UNC80: variants seen among roughly 807,000 people sequenced by gnomAD.
UNC80 encodes the protein protein unc-80 homolog.
UNC80 carries 164 observed loss-of-function variants against 384.6 expected under a neutral mutation model. The ratio of observed to expected loss-of-function variants is 0.43; its 90% confidence interval spans 0.38 to 0.49. The LOEUF (loss-of-function observed/expected upper bound fraction) is 0.49, where lower values mean the gene tolerates loss of function less well. UNC80 is among the 20% of genes least tolerant of loss of function. The pLI is 0.00. For synonymous variants in UNC80, 1,486 were observed against 1,527.8 expected (o/e 0.97, Z 0.64); for missense variants, 3,330 against 4,143.0 (o/e 0.80, Z 5.39).
chr2:209,996,749 C>T lies in UNC80; in HGVS notation c.*1154C>T, dbSNP rs543155324. 1 of 152,296 alleles carries T rather than the reference C, an allele frequency of 6.6e-6. No individual in the cohort carries two copies. Among genetic ancestry groups the T allele is most frequent in the African/African-American group, 2.4e-5 (1 of 41,568 alleles). 9.4% of individuals were successfully genotyped at this position (152,296 alleles called of 1,614,324 possible). ...TGTGAGGCCAACACCTAGTGTGTTA[C>T]TGATCCTATGGTAGGGCTGTGCATC... On this transcript the variant is annotated 3_prime_UTR_variant, in exon 65 of 65. Coordinates refer to ENST00000673920, the MANE Select transcript of UNC80 (RefSeq NM_001371986.1).
At chr2:209,930,054 A>T (rs2090732607) in intron 37 of UNC80, 83 bp downstream of exon 37, 2 of 811,508 alleles carry the variant, frequency 2.5e-6, no homozygotes, top group East Asian at 3.1e-5. Flanking sequence ...TTTATAGTGC[A>T]GTGCATGCAA....
chr2:209,797,317 C>A (rs139977736), intron 7 of UNC80, among the ~76,000 whole-genome samples: 1 of 152,224 alleles, frequency 6.6e-6, no homozygotes, highest in African/African-American at 2.4e-5. Context: ...CCTAAGTTCC[C>A]TCACCTCACC....
intron 4 of UNC80, among the ~76,000 whole-genome samples, chr2:209,782,089 G>A (rs1196252894): frequency 6.6e-6 from 1 of 151,860 alleles, no homozygotes; most frequent in Non-Finnish European, 1.5e-5. Context: ...CCCTTTACTT[G>A]AGCCACTTTC....
intron 22 of UNC80, among the ~76,000 whole-genome samples, chr2:209,867,175 C>T (rs1466520697): frequency 6.6e-6 from 1 of 152,220 alleles, no homozygotes; most frequent in East Asian, 1.9e-4. Flanking sequence ...ATCAGCATCA[C>T]TTGTGAGCAT....
intron 22 of UNC80, among the ~76,000 whole-genome samples, chr2:209,851,748 C>T (rs1384346803): frequency 6.6e-6 from 1 of 151,918 alleles, no homozygotes; most frequent in East Asian, 1.9e-4. Flanking sequence ...CAAAGGAAAA[C>T]ACTGAAGCTC....
Position 209,954,116 on chromosome 2 carries a change from G to C in UNC80, c.7303G>C (p.Val2435Leu), listed in dbSNP as rs555894393. ...CGCTTAAAGTCTTCAGATGCTGATG[G>C]TCTTAGAAGCCTTAGTTCCATGTTA... ...ESFRSLQMLM[V>L]LEALVPCYLQ... The change falls in exon 48 of 65, where the codon GTC (valine) becomes CTC (leucine). Residue 2435 changes from valine (V) to leucine (L), a missense_variant. By Grantham distance (32) the Val-to-Leu change is conservative (BLOSUM62 1). This residue lies in a region of UNC80 where 1,049 missense variants were observed against 1,488.6 expected (regional missense o/e 0.70). Coordinates refer to ENST00000673920, the MANE Select transcript of UNC80 (RefSeq NM_001371986.1). The C allele has an allele frequency of 6.5e-7, 1 of 1,549,798 alleles. No homozygotes were observed. The highest frequency in any genetic ancestry group is 2.4e-5 in the East Asian group (1 of 40,912).
chr2:209,843,653 A>G (rs1417679176), intron 21 of UNC80, among the ~76,000 whole-genome samples: 3 of 152,194 alleles, frequency 2.0e-5, no homozygotes, highest in African/African-American at 4.8e-5. Flanking sequence ...TCTTTGTACT[A>G]TAAAGATCTG....
intron 62 of UNC80, 83 bp downstream of exon 62, chr2:209,992,330 T>C (rs2093407368): frequency 1.1e-5 from 15 of 1,330,358 alleles, no homozygotes; most frequent in Non-Finnish European, 1.6e-5. Context: ...TATATTAAGA[T>C]ATTTTGCTGC....
rs546652349 is a variant in UNC80 at position 209,842,497 on chromosome 2, A to G, written c.3454+51A>G. On this transcript the variant is annotated intron_variant, in intron 21 of 64. Coordinates refer to ENST00000673920, the MANE Select transcript of UNC80 (RefSeq NM_001371986.1). Reference sequence around the variant, plus strand: ...CTATTCAACTTTTATCACACAGAACAAAAACTTGATTAGATTAAGTGGTCC... The same window carrying G: ...CTATTCAACTTTTATCACACAGAACGAAAACTTGATTAGATTAAGTGGTCC... The G allele has an allele frequency of 7.1e-5, 94 of 1,324,996 alleles. No homozygotes were observed. In the African/African-American group the frequency reaches 1.3e-3, roughly 18 times the overall value. The allele number at this position is 1,324,996 out of a possible 1,614,324, so 82.1% of individuals were successfully genotyped here.
intron 48 of UNC80, 189 bp downstream of exon 48, chr2:209,954,459 G>A (rs2092324314): frequency 4.6e-6 from 2 of 434,904 alleles, no homozygotes; most frequent in Admixed American, 7.9e-5. Flanking sequence ...ATAATGTTAA[G>A]CATTCTGATT....
intron 61 of UNC80, among the ~76,000 whole-genome samples, chr2:209,986,221 A>G (rs2093284810): frequency 6.6e-6 from 1 of 152,234 alleles, no homozygotes; most frequent in Non-Finnish European, 1.5e-5. Context: ...GTTTAAAATT[A>G]CATGTGTGAT....
intron 31 of UNC80, among the ~76,000 whole-genome samples, chr2:209,915,425 C>A (rs6710675): frequency 0.036 from 3,950 of 109,422 alleles, 143 homozygotes; most frequent in African/African-American, 0.11. Flanking sequence ...AAAAAAAAAA[C>A]AAAAACTGGG....
chr2:209,946,733 T>C lies in UNC80; in HGVS notation c.7286+790T>C, dbSNP rs549765443. On this transcript the variant is annotated intron_variant, in intron 47 of 64. Coordinates refer to ENST00000673920, the MANE Select transcript of UNC80 (RefSeq NM_001371986.1). ...CATCCCAATTCAAAGATGTTGGCTCTGGTCTGAGATTTAAATCTGATCTAT... is the reference window on the plus strand; with the variant it reads ...CATCCCAATTCAAAGATGTTGGCTCCGGTCTGAGATTTAAATCTGATCTAT... Among the ~76,000 whole-genome samples the C allele has an allele frequency of 1.2e-4, 19 of 152,318 alleles. No homozygotes were observed. The South Asian group carries it at 3.5e-3, about 28-fold the overall frequency.
chr2:209,872,813 A>G lies in UNC80; in HGVS notation c.3683A>G (p.His1228Arg). 6.4e-7 allele frequency: 1 copy of G among 1,551,456 alleles called. No individual in the cohort carries two copies. Among genetic ancestry groups the G allele is most frequent in the Non-Finnish European group, 8.7e-7 (1 of 1,146,812 alleles). Residue 1228 changes from histidine to arginine, a missense_variant, in exon 23 of 65, where the codon CAC (histidine) becomes CGC (arginine). Transcript: ENST00000673920. This position sits in a 1 kb window ranked among gnomAD's most constrained non-coding sequence, Gnocchi z 4.1. ...TTCCTGGAATGTGCTCGTTTTGTTC[A>G]CCGCTGCAACCGTGGCAACTGGCCA... ...ALFLECARFV[H>R]RCNRGNWPEW...
chr2:209,829,238 A>T lies in UNC80; in HGVS notation c.2485A>T (p.Asn829Tyr). 6.4e-7 allele frequency: 1 copy of T among 1,551,226 alleles called. No homozygotes were observed. Among genetic ancestry groups the T allele is most frequent in the Non-Finnish European group, 8.7e-7 (1 of 1,146,648 alleles). ...RHQVFRENAQ[N>Y]CLTKLYKLDK... ...TTTTCTTCCTTCATTGCAGGCCCAG[A>T]ACTGCCTCACTAAGCTATACAAGCT... The change falls in exon 15 of 65, where the codon AAC (asparagine) becomes TAC (tyrosine). Residue 829 changes from asparagine to tyrosine, a missense_variant. By Grantham distance (143) the Asn-to-Tyr change is moderately radical (BLOSUM62 -2). This residue lies in a region of UNC80 where 937 missense variants were observed against 1,026.8 expected (regional missense o/e 0.91). Transcript: ENST00000673920.
At chr2:209,881,849 C>G (rs993780995) in intron 25 of UNC80, among the ~76,000 whole-genome samples, 1 of 152,146 alleles carries the variant, frequency 6.6e-6, no homozygotes, top group African/African-American at 2.4e-5. Flanking sequence ...TCATCACAGG[C>G]ATCATCCAGC....
In UNC80 at chr2:209,918,666, G is replaced by A. The variant is rs1487508596; in HGVS notation, c.5343+3G>A. 4 of 1,544,674 alleles carry A rather than the reference G, an allele frequency of 2.6e-6. No individual in the cohort carries two copies. The African/African-American group carries it at 5.5e-5, about 21-fold the overall frequency. On this transcript the variant is annotated splice_donor_region_variant and intron_variant, in intron 33 of 64. Transcript: ENST00000673920. The stretch of plus-strand genomic sequence containing the variant: ...ACCCCATTAATGAAGACCAGTCTGT[G>A]AGTAACAGACACTTCCAGGTTCCAT...
chr2:209,984,746 T>G (rs942307667), intron 60 of UNC80, 110 bp from the exon 61 acceptor site: 8 of 990,000 alleles, frequency 8.1e-6, no homozygotes, highest in Non-Finnish European at 1.2e-5. Flanking sequence ...TTCGGTTAAA[T>G]CTATTTATTT....
intron 18 of UNC80, among the ~76,000 whole-genome samples, chr2:209,835,775 AG>A (rs1274475394): frequency 6.6e-6 from 1 of 152,196 alleles, no homozygotes; most frequent in Non-Finnish European, 1.5e-5. Flanking sequence ...AGAATATTCT[AG>A]GTATTATGGT....
Sources: gnomAD v4.1 joint callset for allele counts (sites outside exome capture counted in the v4.1 genomes callset) on GRCh38, gnomAD v4.1.1 for gene constraint, gnomAD v4.1.1 regional missense constraint, Gnocchi (gnomAD v3.1) non-coding constraint, MANE v1.5 for transcripts, NCBI Gene and HGNC (gene_info 2026-07-23, HGNC 2026-07-21) for gene names.